PTK7: variants seen among roughly 807,000 people sequenced by gnomAD.
The protein encoded by PTK7 is inactive tyrosine-protein kinase 7.
PTK7 carries 39 observed loss-of-function variants against 116.6 expected under a neutral mutation model. The ratio of observed to expected loss-of-function variants is 0.33; its 90% CI spans 0.26 to 0.44. The LOEUF (loss-of-function observed/expected upper bound fraction) is 0.44, where lower values mean the gene tolerates loss of function less well. Ranked by LOEUF, PTK7 falls within the 20% of genes least tolerant of loss-of-function variation. PTK7 has a pLI of 1.00. For synonymous variants in PTK7, 546 were observed against 563.6 expected, an observed-to-expected ratio of 0.97 and a Z score of 0.44; for missense variants, 1,169 against 1,425.6, an observed-to-expected ratio of 0.82 and a Z score of 2.90.
At chr6:43,159,276 C>T (rs183450210) in intron 18 of PTK7, among the ~76,000 whole-genome samples, 3 of 152,242 alleles carry the variant, frequency 2.0e-5, no homozygotes, top group East Asian at 1.9e-4. Flanking sequence ...TCTGTAACTT[C>T]CTGAATTCAG....
rs772864018 is a variant in PTK7, at chr6:43,139,546, G to A, written c.1618+21G>A. On this transcript the variant is annotated intron_variant, in intron 10 of 19. Coordinates refer to ENST00000230419, the MANE Select transcript of PTK7 (RefSeq NM_002821.5). This position sits in a 1 kb window ranked among gnomAD's most constrained non-coding sequence, Gnocchi z 4.6. ...GGCAGGTGGGTACAGTGCCGGCATA[G>A]GGTAGGGGCAGGCAGGCAGTTCACT... is the stretch of plus-strand genomic sequence containing the variant. 48 of 1,613,370 alleles carry A rather than the reference G, an allele frequency of 3.0e-5. No homozygotes were observed. Among genetic ancestry groups the A allele is most frequent in the Non-Finnish European group, 4.2e-6 (5 of 1,179,864 alleles).
intron 1 of PTK7, among the ~76,000 whole-genome samples, chr6:43,116,637 TGTGTGTGTGTGTGTGC>T (rs1406978979): frequency 8.7e-4 from 109 of 125,054 alleles, no homozygotes; most frequent in South Asian, 2.9e-3. Flanking sequence ...TGTGTGTGTG[TGTGTGTGTGTGTGTGC>T]GCGCGCACGC....
chr6:43,143,303 C>G lies in PTK7; in HGVS notation c.2048-114C>G. On this transcript the variant is annotated intron_variant, in intron 13 of 19. Transcript: ENST00000230419. This position sits in a 1 kb window ranked among gnomAD's most constrained non-coding sequence, Gnocchi z 4.2. ...TGTTAAAGCCAGTGAAGGTGGTGAC[C>G]CTCCCGGGCCATCTGTTAAGTTGCC... is the stretch of plus-strand genomic sequence containing the variant. 1.9e-6 allele frequency: 2 copies of G among 1,028,036 alleles called. No individual in the cohort carries two copies. The highest frequency in any genetic ancestry group is 2.9e-6 in the Non-Finnish European group (2 of 701,170). 63.7% of individuals were successfully genotyped at this position (1,028,036 alleles called of 1,614,324 possible).
Position 43,145,507 on chromosome 6 carries a change from G to A in PTK7, c.2640+75G>A. ...CCTACAAAGGTGGGAGTCAGTGGTTGGAGCACCGTGAAAACCTTGTCTCGT... is the reference window on the plus strand; with the variant it reads ...CCTACAAAGGTGGGAGTCAGTGGTTAGAGCACCGTGAAAACCTTGTCTCGT... On this transcript the variant is annotated intron_variant, in intron 16 of 19. Transcript: ENST00000230419. The surrounding 1 kb of genome is among the most constrained non-coding windows in gnomAD (Gnocchi z 4.8). 7.9e-7 allele frequency: 1 copy of A among 1,262,580 alleles called. No homozygotes were observed. Among genetic ancestry groups the A allele is most frequent in the South Asian group, 1.7e-5 (1 of 59,028 alleles). The allele number at this position is 1,262,580 out of a possible 1,614,324, so 78.2% of individuals were successfully genotyped here. A position where few individuals can be genotyped will look rare whatever the true frequency, so the allele number is the denominator to read the frequency against.
At position 43,116,682 on chromosome 6, in the gene PTK7, A is replaced by G. The variant is rs375772051; in HGVS notation, c.80-12295A>G. Among the ~76,000 whole-genome samples, 9 of 151,582 alleles carry G rather than the reference A, an allele frequency of 5.9e-5. No homozygotes were observed. The East Asian group carries it at 9.8e-4, about 16-fold the overall frequency. Reference sequence around the variant, plus strand: ...CGCACGCACGCACGCATATGGATACATGTACATGTGACCAGGTTCTGAGGA... The same window carrying G: ...CGCACGCACGCACGCATATGGATACGTGTACATGTGACCAGGTTCTGAGGA... On this transcript the variant is annotated intron_variant, in intron 1 of 19. Coordinates refer to ENST00000230419, the MANE Select transcript of PTK7 (RefSeq NM_002821.5).
intron 10 of PTK7, among the ~76,000 whole-genome samples, chr6:43,140,637 C>T (rs924102335): frequency 3.3e-5 from 5 of 151,824 alleles, no homozygotes; most frequent in African/African-American, 1.2e-4. Context: ...CCTGTAATCC[C>T]AGCACTTTGG....
chr6:43,076,777 C>G lies in PTK7; in HGVS notation c.79+210C>G, dbSNP rs1408504462. ...CCTCCAGGGACGCGGTCAGGGTACC[C>G]CTCCCACTCGCGCCGCGGGGACGCA... is the stretch of plus-strand genomic sequence containing the variant. On this transcript the variant is annotated intron_variant, in intron 1 of 19. Transcript: ENST00000230419. The surrounding 1 kb of genome is among the most constrained non-coding windows in gnomAD (Gnocchi z 5.7). 7.1e-7 allele frequency: 1 copy of G among 1,407,318 alleles called. No homozygotes were observed. Among genetic ancestry groups the G allele is most frequent in the African/African-American group, 1.5e-5 (1 of 68,228 alleles). The allele number at this position is 1,407,318 out of a possible 1,614,324, so 87.2% of individuals were successfully genotyped here.
chr6:43,122,514 A>G (rs1769021448), intron 1 of PTK7, among the ~76,000 whole-genome samples: 1 of 152,064 alleles, frequency 6.6e-6, no homozygotes, highest in African/African-American at 2.4e-5. Context: ...TATGCCCTAC[A>G]GGAGCCACCC....
chr6:43,115,895 T>C, intron 1 of PTK7, among the ~76,000 whole-genome samples: 1 of 127,350 alleles, frequency 7.9e-6, no homozygotes, highest in Non-Finnish European at 1.6e-5. Context: ...GCCACTGCAC[T>C]CCAAACTGGG....
At chr6:43,130,860 T>C (rs879121498) in intron 5 of PTK7, among the ~76,000 whole-genome samples, 199 bp downstream of exon 5, 3 of 152,040 alleles carry the variant, frequency 2.0e-5, no homozygotes, top group South Asian at 4.1e-4. Context: ...CCTTTTCCAG[T>C]TTGCACAAAG....
At chr6:43,154,630 A>T (rs1421346576) in intron 17 of PTK7, among the ~76,000 whole-genome samples, 1 of 152,166 alleles carries the variant, frequency 6.6e-6, no homozygotes, top group Non-Finnish European at 1.5e-5. Flanking sequence ...TAGTTAGCAA[A>T]GCACCAGTAG....
chr6:43,132,007 C>G lies in PTK7; in HGVS notation c.813-9C>G, dbSNP rs1488998061. 6.2e-7 allele frequency: 1 copy of G among 1,613,812 alleles called. No individual in the cohort carries two copies. The highest frequency in any genetic ancestry group is 1.7e-5 in the Admixed American group (1 of 60,000). On this transcript the variant is annotated splice_polypyrimidine_tract_variant and intron_variant, in intron 5 of 19. Coordinates refer to ENST00000230419, the MANE Select transcript of PTK7 (RefSeq NM_002821.5). ...CCACTTTCTCCAAATTGCACTCTCC[C>G]CTCTGCAGCCCCCCACACCTCCGCA...
At position 43,146,650 on chromosome 6, in the gene PTK7, G is replaced by A. The variant is rs767647879; in HGVS notation, c.2673G>A (p.Lys891=). The part of the protein sequence containing the change: ...GDLKQFLRIS[K]SKDEKLKSQP... ...TCAAGCAGTTCCTGAGGATTTCCAA[G>A]AGCAAGGATGAAAAATTGAAGTCAC... Residue 891 remains lysine (K), a synonymous_variant, in exon 17 of 20, where the codon AAG becomes AAA. Transcript: ENST00000230419. The A allele has an allele frequency of 2.5e-6, 4 of 1,613,594 alleles. No individual in the cohort carries two copies. The highest frequency in any genetic ancestry group is 1.1e-5 in the South Asian group (1 of 91,066).
At chr6:43,134,520 G>A (rs1470520939) in intron 7 of PTK7, among the ~76,000 whole-genome samples, 2 of 152,090 alleles carry the variant, frequency 1.3e-5, no homozygotes, top group South Asian at 2.1e-4. Context: ...GGTGGCTCAC[G>A]CTTGTAATCC....
chr6:43,094,667 A>G (rs2150382229), intron 1 of PTK7, among the ~76,000 whole-genome samples: 1 of 151,652 alleles, frequency 6.6e-6, no homozygotes, highest in South Asian at 2.1e-4. Flanking sequence ...TTTAGTAGAG[A>G]CGGGGTTTCA....
intron 1 of PTK7, among the ~76,000 whole-genome samples, chr6:43,128,717 G>A (rs745641258): frequency 6.6e-5 from 10 of 152,176 alleles, no homozygotes; most frequent in Non-Finnish European, 1.5e-4. Flanking sequence ...CCCAGGAGGT[G>A]GAGGTTGCAG....
In PTK7 at chr6:43,129,477, A is replaced by G; in HGVS notation, c.367+213A>G. 4 of 758,198 alleles carry G rather than the reference A, an allele frequency of 5.3e-6. No homozygotes were observed. The highest frequency in any genetic ancestry group is 8.3e-6 in the Non-Finnish European group (4 of 480,980). The allele number at this position is 758,198 out of a possible 1,614,324, so 47.0% of individuals were successfully genotyped here. A position where few individuals can be genotyped will look rare whatever the true frequency, so the allele number is the denominator to read the frequency against. On this transcript the variant is annotated intron_variant, in intron 2 of 19. Coordinates refer to ENST00000230419, the MANE Select transcript of PTK7 (RefSeq NM_002821.5). The surrounding 1 kb of genome is among the most constrained non-coding windows in gnomAD (Gnocchi z 4.5). Reference sequence around the variant, plus strand: ...TTTCCTTCAAGTCTGGGACCCATTTATCTGCTGCATGCTTGTGCAAATGGA... The same window carrying G: ...TTTCCTTCAAGTCTGGGACCCATTTGTCTGCTGCATGCTTGTGCAAATGGA...
chr6:43,107,104 G>A (rs997389382), intron 1 of PTK7, among the ~76,000 whole-genome samples: 4 of 151,510 alleles, frequency 2.6e-5, no homozygotes, highest in African/African-American at 7.3e-5. Flanking sequence ...TGTATTTTTA[G>A]TAGAGGCGGA....
intron 16 of PTK7, 138 bp from the exon 17 acceptor site, chr6:43,146,480 C>T: frequency 1.4e-6 from 1 of 705,992 alleles, no homozygotes; most frequent in Non-Finnish European, 2.4e-6. Flanking sequence ...GAACTTCCCC[C>T]TGGGAAAGGG....
Sources: allele counts gnomAD v4.1 joint callset (sites outside exome capture counted in the v4.1 genomes callset), GRCh38; gene constraint gnomAD v4.1.1; non-coding constraint Gnocchi (gnomAD v3.1); transcripts MANE v1.5; gene names NCBI Gene and HGNC (gene_info 2026-07-23, HGNC 2026-07-21).